KCNMA1: variants seen among roughly 807,000 people sequenced by gnomAD.
The protein encoded by KCNMA1 is Calcium-activated potassium channel subunit alpha-1.
Under a neutral mutation model 140.0 loss-of-function variants are expected in KCNMA1, and 29 were observed. The ratio of observed to expected loss-of-function variants is 0.21; its 90% CI spans 0.15 to 0.28. The LOEUF (loss-of-function observed/expected upper bound fraction) is 0.28, where lower values mean the gene tolerates loss of function less well. Ranked by LOEUF, KCNMA1 falls within the 10% of genes least tolerant of loss-of-function variation. The pLI, the probability that KCNMA1 is intolerant of heterozygous loss-of-function variation, is 1.00. For missense variants in KCNMA1, 880 were observed against 1,602.2 expected (o/e 0.55, Z 7.70); for synonymous variants, 612 against 611.9 (o/e 1.00, Z 0.00).
intron 5 of KCNMA1, among the ~76,000 whole-genome samples, chr10:77,165,394 A>G (rs1201272964): frequency 2.0e-5 from 3 of 152,236 alleles, no homozygotes; most frequent in Non-Finnish European, 4.4e-5. Flanking sequence ...GGTCTGAGAA[A>G]CATATCTATT....
intron 3 of KCNMA1, among the ~76,000 whole-genome samples, chr10:77,215,608 G>T (rs113564978): frequency 2.0e-5 from 3 of 152,058 alleles, no homozygotes; most frequent in African/African-American, 7.2e-5. Context: ...GAAAGCCAGG[G>T]CCAGAGCAGA....
At chr10:77,015,060 T>C (rs1284294621) in intron 17 of KCNMA1, among the ~76,000 whole-genome samples, 1 of 152,046 alleles carries the variant, frequency 6.6e-6, no homozygotes, top group Admixed American at 6.5e-5. Context: ...CTCTCTCTCC[T>C]CTCCTCTCCA....
intron 23 of KCNMA1, among the ~76,000 whole-genome samples, chr10:76,917,204 C>T (rs986065743): frequency 5.3e-5 from 8 of 152,112 alleles, no homozygotes; most frequent in Non-Finnish European, 1.0e-4. Flanking sequence ...GTGGATGTGA[C>T]GTTTTTGAAT....
intron 5 of KCNMA1, among the ~76,000 whole-genome samples, chr10:77,170,463 G>A (rs1182919258): frequency 1.3e-5 from 2 of 151,698 alleles, no homozygotes; most frequent in African/African-American, 4.8e-5. Context: ...CTGGGAGAAG[G>A]TCGGAGGTGA....
At chr10:77,158,284 C>T (rs992486092) in intron 5 of KCNMA1, among the ~76,000 whole-genome samples, 5 of 152,154 alleles carry the variant, frequency 3.3e-5, no homozygotes, top group Non-Finnish European at 7.3e-5. Context: ...AGATTAAAAG[C>T]TATAATAGAC....
At chr10:76,873,919 G>T (rs1257231384), downstream of KCNMA1, 3 of 152,146 alleles carry the variant, frequency 2.0e-5, no homozygotes, top group Non-Finnish European at 2.9e-5. Context: ...AAGGAAGACT[G>T]GTTACTTCCT....
chr10:77,579,384 C>T (rs1215111842), intron 1 of KCNMA1, among the ~76,000 whole-genome samples: 3 of 152,228 alleles, frequency 2.0e-5, no homozygotes, highest in Non-Finnish European at 4.4e-5. Flanking sequence ...AGCTGTCAAT[C>T]TGTCACAATT....
intron 15 of KCNMA1, among the ~76,000 whole-genome samples, chr10:77,036,099 A>G (rs1043060210): frequency 6.6e-6 from 1 of 152,204 alleles, no homozygotes; most frequent in Non-Finnish European, 1.5e-5. Context: ...TAGACTTGTG[A>G]AGTCTTCCAG....
At chr10:77,296,908 T>TGGGGGGGGGGG (rs781675116) in intron 2 of KCNMA1, among the ~76,000 whole-genome samples, 1 of 80,258 alleles carries the variant, frequency 1.2e-5, no homozygotes, top group Admixed American at 1.2e-4. Context: ...CCTGGGTGTG[T>TGGGGGGGGGGG]GGGCGGGGGG....
chr10:77,407,376 G>T (rs1234640931), intron 1 of KCNMA1, among the ~76,000 whole-genome samples: 1 of 152,220 alleles, frequency 6.6e-6, no homozygotes, highest in East Asian at 1.9e-4. Context: ...AGCAGAGAAG[G>T]TTCAGTAGCC....
chr10:77,310,364 G>T (rs2078963352), intron 2 of KCNMA1, among the ~76,000 whole-genome samples: 1 of 152,144 alleles, frequency 6.6e-6, no homozygotes. Context: ...GATCCAAAAG[G>T]TGCCCATACC....
intron 2 of KCNMA1, among the ~76,000 whole-genome samples, chr10:77,336,119 G>A (rs2088855331): frequency 6.6e-6 from 1 of 151,876 alleles, no homozygotes. Flanking sequence ...TAGATGGCCA[G>A]CATCTCCCAG....
At chr10:77,465,107 G>T (rs983964632) in intron 1 of KCNMA1, among the ~76,000 whole-genome samples, 4 of 152,130 alleles carry the variant, frequency 2.6e-5, no homozygotes, top group Admixed American at 2.6e-4. Context: ...GTTCTGAGAC[G>T]GCCAGGCCTG....
chr10:77,284,064 A>C (rs1329322834), intron 2 of KCNMA1, among the ~76,000 whole-genome samples: 1 of 152,188 alleles, frequency 6.6e-6, no homozygotes, highest in African/African-American at 2.4e-5. Flanking sequence ...GCCCAGTGGC[A>C]AGAAAGACTA....
chr10:76,889,628 G>T, intron 26 of KCNMA1, 59 bp from the exon 27 acceptor site: 1 of 1,361,350 alleles, frequency 7.3e-7, no homozygotes, highest in Non-Finnish European at 1.1e-6. Flanking sequence ...AAAATCAAGG[G>T]ACAGCAGGGA....
intron 1 of KCNMA1, among the ~76,000 whole-genome samples, chr10:77,606,315 C>G (rs1196287006): frequency 6.6e-6 from 1 of 152,214 alleles, no homozygotes; most frequent in Non-Finnish European, 1.5e-5. Flanking sequence ...AGACCCAGAG[C>G]AGCAACCCCT....
At chr10:77,395,601 T>C (rs2096018158) in intron 2 of KCNMA1, among the ~76,000 whole-genome samples, 1 of 152,360 alleles carries the variant, frequency 6.6e-6, no homozygotes, top group African/African-American at 2.4e-5. Flanking sequence ...TAAGTATTTA[T>C]ATGCTGATAT....
At chr10:77,030,274 C>G (rs1310334175) in intron 15 of KCNMA1, among the ~76,000 whole-genome samples, 1 of 152,218 alleles carries the variant, frequency 6.6e-6, no homozygotes, top group Non-Finnish European at 1.5e-5. Flanking sequence ...TATCCAACTA[C>G]AGCTGGAAAA....
chr10:77,280,119 C>A (rs2154294416), intron 2 of KCNMA1, among the ~76,000 whole-genome samples: 1 of 152,294 alleles, frequency 6.6e-6, no homozygotes, highest in African/African-American at 2.4e-5. Context: ...AAGACTACTT[C>A]AGACATGAAA....
Sources: allele counts gnomAD v4.1 joint callset (sites outside exome capture counted in the v4.1 genomes callset), GRCh38; gene constraint gnomAD v4.1.1; transcripts MANE v1.5; gene names NCBI Gene and HGNC (gene_info 2026-07-23, HGNC 2026-07-21).